The following SLC9A6 variants were observed in gnomAD, a reference collection of about 807,000 sequenced individuals.
The protein encoded by SLC9A6 is solute carrier family 9 member A6.
Under a neutral mutation model 45.3 loss-of-function variants are expected in SLC9A6, and 6 were observed. That is an observed-to-expected ratio of 0.13 (90% CI 0.07 to 0.26). The LOEUF is 0.26. SLC9A6 is among the 10% of genes least tolerant of loss of function. The pLI, the probability that SLC9A6 is intolerant of heterozygous loss-of-function variation, is 1.00. For synonymous variants in SLC9A6, 191 were observed against 187.7 expected, an observed-to-expected ratio of 1.02 and a Z score of -0.14; for missense variants, 278 against 503.7, an observed-to-expected ratio of 0.55 and a Z score of 4.29.
chrX:135,997,587 T>C (rs1267253491), intron 3 of SLC9A6, among the ~76,000 whole-genome samples: 2 of 107,334 alleles, frequency 1.9e-5, no homozygotes, highest in Non-Finnish European at 3.8e-5. Flanking sequence ...TTTGTATTTT[T>C]AGTAGAGTTG....
rs1415889484 is a variant in SLC9A6 at position 135,985,514 on chromosome X, C to G, written c.-57+37C>G. ...AGGCGGGGGGAGACATGGCTCGGCG[C>G]GGCTGGCGGCGGGCACCCCTCCGCC... On this transcript the variant is annotated intron_variant, in intron 1 of 17. Transcript: ENST00000630721. 1 of 1,107,768 alleles carries G rather than the reference C, an allele frequency of 9.0e-7. No individual in the cohort carries two copies. The highest frequency in any genetic ancestry group is 1.2e-6 in the Non-Finnish European group (1 of 849,890). 91.3% of individuals were successfully genotyped at this position (1,107,768 alleles called of 1,213,427 possible).
rs375145994 is a variant in SLC9A6, at chrX:136,030,173, G to A, written c.1581+11G>A. ...GACCAAGAACACTTGGTAAATATGC[G>A]TTTTTGTTGTTCCTGGCATTTCTGT... On this transcript the variant is annotated intron_variant, in intron 15 of 17. Coordinates refer to ENST00000630721, the MANE Select transcript of SLC9A6 (RefSeq NM_001379110.1). The A allele has an allele frequency of 1.8e-4, 211 of 1,201,564 alleles. No individual in the cohort carries two copies. The highest frequency in any genetic ancestry group is 2.3e-4 in the Middle Eastern group (1 of 4,353).
At position 136,045,651 on chromosome X, in the gene SLC9A6, T is replaced by A. The variant is rs1448140707; in HGVS notation, c.*927T>A. The A allele has an allele frequency of 8.9e-6, 1 of 112,899 alleles. No homozygotes were observed. Among genetic ancestry groups the A allele is most frequent in the Non-Finnish European group, 1.9e-5 (1 of 53,383 alleles). The allele number at this position is 112,899 out of a possible 1,213,427, so 9.3% of individuals were successfully genotyped here. On this transcript the variant is annotated 3_prime_UTR_variant, in exon 18 of 18. Transcript: ENST00000630721. ...TGTACTTTATCTGTATAGCAGGCTTTGTCGTCAGAAGTTTTTATATCGATT... is the reference window on the plus strand; with the variant it reads ...TGTACTTTATCTGTATAGCAGGCTTAGTCGTCAGAAGTTTTTATATCGATT...
At chrX:136,005,516 A>T (rs1401200377) in intron 7 of SLC9A6, among the ~76,000 whole-genome samples, 1 of 112,174 alleles carries the variant, frequency 8.9e-6, no homozygotes, top group Non-Finnish European at 1.9e-5. Context: ...CCCTGTCTCT[A>T]CTAAAAATAC....
At chrX:136,021,860 A>G (rs1282494723) in intron 11 of SLC9A6, among the ~76,000 whole-genome samples, 1 of 111,523 alleles carries the variant, frequency 9.0e-6, no homozygotes, top group African/African-American at 3.3e-5. Flanking sequence ...TTTCCCTTAT[A>G]TTTTTCTCAG....
chrX:135,980,216 ATTT>A (rs58715904), upstream of SLC9A6, among the ~76,000 whole-genome samples: 2 of 100,222 alleles, frequency 2.0e-5, no homozygotes, highest in African/African-American at 3.7e-5. Context: ...CCAATACATG[ATTT>A]TTTTTTTTTT....
chrX:135,987,939 T>C (rs1356493852), intron 2 of SLC9A6, among the ~76,000 whole-genome samples: 1 of 111,219 alleles, frequency 9.0e-6, no homozygotes, highest in Non-Finnish European at 1.9e-5. Flanking sequence ...AGCTGTGCTA[T>C]TATTATTATT....
At chrX:136,012,092 AAAAAC>A (rs1233821827) in intron 8 of SLC9A6, among the ~76,000 whole-genome samples, 3 of 112,876 alleles carry the variant, frequency 2.7e-5, no homozygotes, top group South Asian at 3.7e-4. Context: ...TCCGTCTCAA[AAAAAC>A]AAAACAAAAC....
chrX:136,026,505 A>G (rs1235575548), intron 13 of SLC9A6, among the ~76,000 whole-genome samples: 1 of 110,715 alleles, frequency 9.0e-6, no homozygotes, highest in Non-Finnish European at 1.9e-5. Context: ...AACACCAGCC[A>G]TGTGCCGGGC....
chrX:135,981,129 G>A (rs146860397), upstream of SLC9A6, among the ~76,000 whole-genome samples: 120 of 111,491 alleles, frequency 1.1e-3, 1 homozygote, highest in East Asian at 0.025. Flanking sequence ...CCTGAAGACT[G>A]GGTAATTTAT....
chrX:136,041,122 GAAAAAA>G (rs1231264568), intron 17 of SLC9A6, among the ~76,000 whole-genome samples: 2 of 101,993 alleles, frequency 2.0e-5, no homozygotes, highest in African/African-American at 7.1e-5. Flanking sequence ...TGTATCAAAA[GAAAAAA>G]AAAAGAAAAA....
intron 2 of SLC9A6, among the ~76,000 whole-genome samples, chrX:135,988,064 T>A (rs1603187517): frequency 8.9e-6 from 1 of 112,009 alleles, no homozygotes; most frequent in African/African-American, 3.2e-5. Context: ...ATAGGGGCTT[T>A]GAATTGCCCT....
chrX:135,973,863 A>C (rs2089237653), upstream of SLC9A6: 1 of 1,158,510 alleles, frequency 8.6e-7, no homozygotes, highest in Non-Finnish European at 1.2e-6. Flanking sequence ...AAGAAGCAGA[A>C]AGCTACACGG....
intron 13 of SLC9A6, among the ~76,000 whole-genome samples, chrX:136,025,633 C>T (rs2071213181): frequency 9.0e-6 from 1 of 111,479 alleles, no homozygotes; most frequent in Non-Finnish European, 1.9e-5. Flanking sequence ...TTAGGGAGGA[C>T]CTGGCATTTA....
intron 7 of SLC9A6, among the ~76,000 whole-genome samples, chrX:136,009,551 G>A (rs937329974): frequency 1.8e-5 from 2 of 112,250 alleles, no homozygotes; most frequent in Non-Finnish European, 3.8e-5. Flanking sequence ...TTTGTATGAT[G>A]TTGTTGAGTC....
At chrX:135,979,811 G>A (rs2089278436) in intron 1 of SLC9A6, among the ~76,000 whole-genome samples, 1 of 111,831 alleles carries the variant, frequency 8.9e-6, no homozygotes, top group Non-Finnish European at 1.9e-5. Flanking sequence ...TGTTGCTCAG[G>A]CTGGAGTGCA....
intron 11 of SLC9A6, among the ~76,000 whole-genome samples, chrX:136,021,778 C>G (rs185492805): frequency 8.9e-6 from 1 of 112,087 alleles, no homozygotes; most frequent in East Asian, 2.8e-4. Flanking sequence ...CCTCCCGCCC[C>G]GGTCTCCCAA....
intron 7 of SLC9A6, among the ~76,000 whole-genome samples, chrX:136,004,729 AT>A (rs1183294276): frequency 9.0e-6 from 1 of 111,601 alleles, no homozygotes; most frequent in East Asian, 2.8e-4. Context: ...TTATTGCCAG[AT>A]TTTTTTTGCA....
At chrX:136,000,447 C>T (rs1178140810) in intron 6 of SLC9A6, among the ~76,000 whole-genome samples, 4 of 110,271 alleles carry the variant, frequency 3.6e-5, no homozygotes, top group Non-Finnish European at 7.6e-5. Flanking sequence ...GGCAAGGAGC[C>T]GGTGGTCTCT....
Sources: allele counts gnomAD v4.1 joint callset (sites outside exome capture counted in the v4.1 genomes callset), GRCh38; gene constraint gnomAD v4.1.1; transcripts MANE v1.5; gene names NCBI Gene and HGNC (gene_info 2026-07-23, HGNC 2026-07-21).